IPCEF1: variants seen among roughly 807,000 people sequenced by gnomAD.
IPCEF1 encodes the protein interaction protein for cytohesin exchange factors 1.
In IPCEF1, 31 loss-of-function variants were observed where a neutral mutation model predicts 50.9. That is an observed-to-expected ratio of 0.61 (90% CI 0.46 to 0.82). The LOEUF (loss-of-function observed/expected upper bound fraction) is 0.82. Among genes scored for constraint, IPCEF1 ranks in the 40% least tolerant of loss-of-function variants. IPCEF1 has a pLI of 0.00. For synonymous variants in IPCEF1, 181 were observed against 192.0 expected, an observed-to-expected ratio of 0.94 and a Z score of 0.47; for missense variants, 458 against 514.0, an observed-to-expected ratio of 0.89 and a Z score of 1.05.
At chr6:154,197,780 G>A (rs1053262728) in intron 10 of IPCEF1, among the ~76,000 whole-genome samples, 3 of 152,136 alleles carry the variant, frequency 2.0e-5, no homozygotes, top group African/African-American at 7.2e-5. Flanking sequence ...AATGCAAATG[G>A]GATTTTATTC....
intron 1 of IPCEF1, among the ~76,000 whole-genome samples, chr6:154,306,167 G>A (rs151302906): frequency 7.2e-5 from 11 of 152,034 alleles, no homozygotes; most frequent in Admixed American, 2.0e-4. Context: ...GTCGCCCCAC[G>A]TCACTTACAT....
rs1457135630 is a variant in IPCEF1 at position 154,157,733 on chromosome 6, T to A, written c.*2095A>T. The A allele has an allele frequency of 1.3e-5, 2 of 152,262 alleles. No individual in the cohort carries two copies. The highest frequency in any genetic ancestry group is 3.8e-4 in the East Asian group (2 of 5,204). The allele number at this position is 152,262 out of a possible 1,614,324, so 9.4% of individuals were successfully genotyped here. On this transcript the variant is annotated 3_prime_UTR_variant, in exon 12 of 12. Coordinates refer to ENST00000367220, the MANE Select transcript of IPCEF1 (RefSeq NM_001130700.2). ...GGTGGAAGGGCACTTTATGTCACAC[T>A]GTTATTTCTGCTATTGTTATTTGTT...
rs375859258 is a variant in IPCEF1, at chr6:154,164,320, C to CT, written c.1104+3599dup. Among the ~76,000 whole-genome samples the CT allele has an allele frequency of 3.6e-3, 552 of 152,254 alleles. 4 individuals carry two copies. Among genetic ancestry groups the CT allele is most frequent in the African/African-American group, 0.013 (530 of 41,538 alleles). On this transcript the variant is annotated intron_variant, in intron 11 of 11. Coordinates refer to ENST00000367220, the MANE Select transcript of IPCEF1 (RefSeq NM_001130700.2). ...GACACTTCTCATATGGCTTTTGGCT[C>CT]TAAGTAGTTCAAATTTTTTACCATT...
In IPCEF1 at chr6:154,247,490, T is replaced by G; in HGVS notation, c.37-2A>C. ...GGGCTTCTGACGCAAGGGAACCTGCTGAAAATGCAGGAAGGAAAGAAAAGA... is the reference window on the plus strand; with the variant it reads ...GGGCTTCTGACGCAAGGGAACCTGCGGAAAATGCAGGAAGGAAAGAAAAGA... On this transcript the variant is annotated splice_acceptor_variant, in intron 3 of 11. Transcript: ENST00000367220. LOFTEE classifies it high-confidence loss of function. The G allele has an allele frequency of 6.2e-7, 1 of 1,611,658 alleles. No homozygotes were observed. Among genetic ancestry groups the G allele is most frequent in the Admixed American group, 1.7e-5 (1 of 59,990 alleles).
intron 1 of IPCEF1, among the ~76,000 whole-genome samples, chr6:154,316,600 G>A (rs998953263): frequency 6.6e-6 from 1 of 152,138 alleles, no homozygotes; most frequent in African/African-American, 2.4e-5. Context: ...ATAGGATGGT[G>A]GTTAGTTACC....
chr6:154,218,065 G>A (rs1036873652), intron 7 of IPCEF1, among the ~76,000 whole-genome samples: 2 of 152,322 alleles, frequency 1.3e-5, no homozygotes, highest in African/African-American at 4.8e-5. Context: ...CACTGGCTTA[G>A]AGTACCTTCT....
intron 9 of IPCEF1, among the ~76,000 whole-genome samples, chr6:154,207,443 C>T (rs188983155): frequency 1.1e-4 from 17 of 152,334 alleles, no homozygotes; most frequent in Admixed American, 1.0e-3. Context: ...TCATTTAGTA[C>T]AGATATTGAA....
intron 2 of IPCEF1, among the ~76,000 whole-genome samples, chr6:154,268,941 T>C (rs1781827372): frequency 6.6e-6 from 1 of 152,178 alleles, no homozygotes; most frequent in Non-Finnish European, 1.5e-5. Flanking sequence ...TTATAGCCTC[T>C]CACATCACCT....
intron 3 of IPCEF1, among the ~76,000 whole-genome samples, chr6:154,259,727 G>A (rs1213783383): frequency 6.6e-6 from 1 of 152,064 alleles, no homozygotes; most frequent in Non-Finnish European, 1.5e-5. Context: ...GGGGTGGCAT[G>A]AGGACAGAAG....
At chr6:154,220,851 T>C (rs993432409) in intron 7 of IPCEF1, among the ~76,000 whole-genome samples, 2 of 152,250 alleles carry the variant, frequency 1.3e-5, no homozygotes, top group African/African-American at 4.8e-5. Flanking sequence ...GGAGAGGTGA[T>C]AAATACGTGA....
intron 1 of IPCEF1, among the ~76,000 whole-genome samples, chr6:154,302,016 T>C (rs1305090991): frequency 6.6e-6 from 1 of 152,208 alleles, no homozygotes; most frequent in African/African-American, 2.4e-5. Flanking sequence ...GATTCCTTGT[T>C]GTGTGCTGGA....
intron 7 of IPCEF1, among the ~76,000 whole-genome samples, chr6:154,218,126 G>A (rs1220430717): frequency 6.6e-6 from 1 of 152,152 alleles, no homozygotes; most frequent in Non-Finnish European, 1.5e-5. Context: ...ACATCTATCT[G>A]TGGCTAAGTA....
intron 9 of IPCEF1, among the ~76,000 whole-genome samples, chr6:154,206,833 C>T (rs1166254474): frequency 2.6e-5 from 4 of 152,176 alleles, no homozygotes; most frequent in Non-Finnish European, 4.4e-5. Flanking sequence ...ATGTCTGGAA[C>T]GCTTTTGGGG....
intron 8 of IPCEF1, 136 bp from the exon 9 acceptor site, chr6:154,212,991 G>C: frequency 1.5e-6 from 1 of 663,988 alleles, no homozygotes; most frequent in African/African-American, 1.8e-5. Flanking sequence ...TGAACTACCT[G>C]GTAACTACCT....
At chr6:154,261,844 C>G (rs1443267624) in intron 3 of IPCEF1, among the ~76,000 whole-genome samples, 2 of 152,134 alleles carry the variant, frequency 1.3e-5, no homozygotes, top group Non-Finnish European at 2.9e-5. Context: ...TGGTATGCTC[C>G]TCATCTTTAT....
intron 1 of IPCEF1, among the ~76,000 whole-genome samples, chr6:154,313,568 T>C (rs1783138002): frequency 6.6e-6 from 1 of 152,166 alleles, no homozygotes; most frequent in African/African-American, 2.4e-5. Flanking sequence ...AAGAAAGATG[T>C]TTTGGTTAAG....
chr6:154,179,477 G>T (rs763031041), intron 10 of IPCEF1, among the ~76,000 whole-genome samples: 4 of 152,128 alleles, frequency 2.6e-5, no homozygotes, highest in Non-Finnish European at 5.9e-5. Context: ...CATTGGAGAC[G>T]GGAGCCAAAT....
At chr6:154,227,159 G>A (rs1018243940) in intron 5 of IPCEF1, among the ~76,000 whole-genome samples, 6 of 151,900 alleles carry the variant, frequency 3.9e-5, no homozygotes, top group Non-Finnish European at 5.9e-5. Flanking sequence ...AGCCAAGACC[G>A]CACCACTGCA....
chr6:154,206,163 T>C (rs1583795149), intron 9 of IPCEF1, among the ~76,000 whole-genome samples: 1 of 152,196 alleles, frequency 6.6e-6, no homozygotes, highest in East Asian at 1.9e-4. Context: ...GGGCAAGTGA[T>C]ATCCCATAAA....
Sources: allele counts gnomAD v4.1 joint callset (sites outside exome capture counted in the v4.1 genomes callset), GRCh38; gene constraint gnomAD v4.1.1; transcripts MANE v1.5; gene names NCBI Gene and HGNC (gene_info 2026-07-23, HGNC 2026-07-21).